REV3L: variants seen among roughly 807,000 people sequenced by gnomAD.
REV3L encodes the protein REV3 like, DNA directed polymerase zeta catalytic subunit.
REV3L carries 69 observed loss-of-function variants against 299.4 expected under a neutral mutation model. That is an observed-to-expected ratio of 0.23 (90% CI 0.19 to 0.28). The LOEUF (loss-of-function observed/expected upper bound fraction) is 0.28. Ranked by LOEUF, REV3L falls within the 10% of genes least tolerant of loss-of-function variation. REV3L has a pLI of 1.00. For missense variants in REV3L, 3,128 were observed against 3,693.8 expected (o/e 0.85, Z 3.97); for synonymous variants, 1,238 against 1,271.4 (o/e 0.97, Z 0.56).
At chr6:111,369,829 T>C (rs766746352) in intron 13 of REV3L, among the ~76,000 whole-genome samples, 2 of 152,154 alleles carry the variant, frequency 1.3e-5, no homozygotes, top group African/African-American at 4.8e-5. Context: ...ATTTTCTATA[T>C]TGAATATACA....
rs372736461 is a variant in REV3L, at chr6:111,465,085, G to GTTT, written c.139+17662_139+17664dup. Reference sequence around the variant, plus strand: ...GGGTAAAATAAAGTTATTTTTATTTGTTTTTTTTTTTTTTTTGAGATGGAG... The same window carrying GTTT: ...GGGTAAAATAAAGTTATTTTTATTTGTTTTTTTTTTTTTTTTTTTGAGATGGAG... On this transcript the variant is annotated intron_variant, in intron 1 of 31. Transcript: ENST00000368802. Among the ~76,000 whole-genome samples the GTTT allele has an allele frequency of 1.8e-4, 24 of 130,016 alleles. 1 individual carries two copies. The highest frequency in any genetic ancestry group is 3.1e-4 in the Non-Finnish European group (19 of 61,984). 85.3% of individuals were successfully genotyped at this position (130,016 alleles called of 152,430 possible).
At chr6:111,444,372 G>A (rs1028032402) in intron 1 of REV3L, among the ~76,000 whole-genome samples, 2 of 151,944 alleles carry the variant, frequency 1.3e-5, no homozygotes, top group African/African-American at 2.4e-5. Context: ...AAGCATAAAA[G>A]GCTTAAACTA....
At chr6:111,391,874 A>C (rs957669548) in intron 5 of REV3L, among the ~76,000 whole-genome samples, 2 of 152,224 alleles carry the variant, frequency 1.3e-5, no homozygotes, top group African/African-American at 4.8e-5. Context: ...CTATAGTCCT[A>C]GATTCTTGGG....
At position 111,374,446 on chromosome 6, in the gene REV3L, C is replaced by G. The variant is rs1281095591; in HGVS notation, c.3909G>C (p.Lys1303Asn). The G allele has an allele frequency of 6.2e-7, 1 of 1,613,846 alleles. No homozygotes were observed. Among genetic ancestry groups the G allele is most frequent in the African/African-American group, 1.3e-5 (1 of 74,906 alleles). The change falls in exon 13 of 32, where the codon AAG becomes AAC. Residue 1303 changes from lysine to asparagine, a missense_variant. Coordinates refer to ENST00000368802, the MANE Select transcript of REV3L (RefSeq NM_001372078.1). ...SGCFSSFLESKKSVDLQTFPS... is the reference protein window; with the variant it reads ...SGCFSSFLESNKSVDLQTFPS... ...GGAATGTCTGCAAATCTACAGACTTCTTGCTTTCTAAGAAAGAAGAAAAGC... is the reference window on the plus strand; with the variant it reads ...GGAATGTCTGCAAATCTACAGACTTGTTGCTTTCTAAGAAAGAAGAAAAGC...
At chr6:111,384,051 G>T (rs148849572) in intron 9 of REV3L, among the ~76,000 whole-genome samples, 9 of 152,264 alleles carry the variant, frequency 5.9e-5, no homozygotes, top group African/African-American at 1.9e-4. Context: ...ATATCTACAT[G>T]CAGAAGAATG....
chr6:111,371,617 G>A (rs777601514), intron 13 of REV3L, among the ~76,000 whole-genome samples: 7 of 150,444 alleles, frequency 4.7e-5, no homozygotes, highest in Non-Finnish European at 8.9e-5. Flanking sequence ...GCAACAAAGT[G>A]CAGTGGCGTG....
intron 21 of REV3L, among the ~76,000 whole-genome samples, chr6:111,339,122 C>T (rs1239849937): frequency 6.6e-6 from 1 of 152,106 alleles, no homozygotes; most frequent in Non-Finnish European, 1.5e-5. Context: ...ATGGTAATTA[C>T]TATTTCCCCA....
intron 13 of REV3L, among the ~76,000 whole-genome samples, chr6:111,370,053 G>A (rs1343801106): frequency 6.6e-6 from 1 of 151,998 alleles, no homozygotes; most frequent in Non-Finnish European, 1.5e-5. Context: ...GGATGGTCTC[G>A]ATCTCCTGAC....
chr6:111,417,605 G>A (rs1300510900), intron 1 of REV3L, among the ~76,000 whole-genome samples: 1 of 152,032 alleles, frequency 6.6e-6, no homozygotes, highest in African/African-American at 2.4e-5. Context: ...ATATTTGTTT[G>A]ATCACTATTT....
intron 25 of REV3L, among the ~76,000 whole-genome samples, chr6:111,329,082 C>T (rs1036788352): frequency 6.0e-5 from 9 of 149,532 alleles, no homozygotes; most frequent in African/African-American, 2.0e-4. Flanking sequence ...CTCATTCTGT[C>T]GCCCAGGCTG....
intron 1 of REV3L, chr6:111,430,384 A>G: frequency 7.7e-7 from 1 of 1,304,632 alleles, no homozygotes; most frequent in South Asian, 1.2e-5. Flanking sequence ...AAGATCAAGA[A>G]CAATGACTAC....
intron 1 of REV3L, among the ~76,000 whole-genome samples, chr6:111,425,431 C>T (rs548830971): frequency 6.6e-6 from 1 of 152,174 alleles, no homozygotes; most frequent in African/African-American, 2.4e-5. Context: ...TGCACTCCAG[C>T]CTGGGCGACA....
Position 111,376,747 on chromosome 6 carries a change from C to A in REV3L, c.1608G>T (p.Leu536Phe). 2 of 1,572,474 alleles carry A rather than the reference C, an allele frequency of 1.3e-6. No individual in the cohort carries two copies. Among genetic ancestry groups the A allele is most frequent in the South Asian group, 2.4e-5 (2 of 85,106 alleles). The change falls in exon 13 of 32, where the codon TTG becomes TTT. Residue 536 changes from leucine (L) to phenylalanine (F), a missense_variant. Coordinates refer to ENST00000368802, the MANE Select transcript of REV3L (RefSeq NM_001372078.1). ...AGTGGGTTCTAGAATTTTCATTGTT[C>A]AATGGATTGTCTGAAATGAGGAGGG... ...GTADENSDNP[L>F]NNENSRTHSS...
chr6:111,406,531 T>C (rs1045840738), intron 3 of REV3L, among the ~76,000 whole-genome samples: 8 of 152,110 alleles, frequency 5.3e-5, no homozygotes, highest in Non-Finnish European at 7.4e-5. Context: ...ATGGTGGCTA[T>C]AACAAGGATC....
At chr6:111,324,931 G>A (rs1028428039) in intron 25 of REV3L, among the ~76,000 whole-genome samples, 4 of 151,478 alleles carry the variant, frequency 2.6e-5, no homozygotes, top group Non-Finnish European at 4.4e-5. Flanking sequence ...GCGCAATCTC[G>A]GCTCACTGCA....
chr6:111,404,885 G>A (rs1381066757), intron 4 of REV3L, among the ~76,000 whole-genome samples: 1 of 152,094 alleles, frequency 6.6e-6, no homozygotes, highest in Non-Finnish European at 1.5e-5. Context: ...AGCCCACTGA[G>A]ATAAAATGGA....
intron 30 of REV3L, among the ~76,000 whole-genome samples, chr6:111,308,701 C>T (rs1031993104): frequency 6.6e-6 from 1 of 152,088 alleles, no homozygotes. Context: ...ACATTCATTT[C>T]GAAGGAATTT....
intron 1 of REV3L, among the ~76,000 whole-genome samples, chr6:111,480,276 A>G (rs1793458260): frequency 6.6e-6 from 1 of 152,224 alleles, no homozygotes; most frequent in Non-Finnish European, 1.5e-5. Flanking sequence ...ACTTGTTAGT[A>G]AAGATATAAA....
At chr6:111,329,407 A>G (rs1775163630) in intron 25 of REV3L, 125 bp downstream of exon 25, 1 of 798,436 alleles carries the variant, frequency 1.3e-6, no homozygotes, top group Admixed American at 1.9e-5. Flanking sequence ...GCAGGATTCA[A>G]CTCTGGGCTG....
Sources: gnomAD v4.1 joint callset for allele counts (sites outside exome capture counted in the v4.1 genomes callset) on GRCh38, gnomAD v4.1.1 for gene constraint, MANE v1.5 for transcripts, NCBI Gene and HGNC (gene_info 2026-07-23, HGNC 2026-07-21) for gene names.